Variants in ERBB4 observed in about 807,000 individuals in gnomAD.
The protein encoded by ERBB4 is erb-b2 receptor tyrosine kinase 4, also known as receptor tyrosine-protein kinase erbB-4.
ERBB4 carries 42 observed loss-of-function variants against 158.0 expected under a neutral mutation model. The observed-to-expected ratio is 0.27, with a 90% CI of 0.21 to 0.34. The LOEUF (loss-of-function observed/expected upper bound fraction) is 0.34, where lower values mean the gene tolerates loss of function less well. ERBB4 is among the 10% of genes least tolerant of loss of function. ERBB4 has a pLI of 1.00. For missense variants in ERBB4, 1,333 were observed against 1,624.1 expected (o/e 0.82, Z 3.08); for synonymous variants, 583 against 558.7 (o/e 1.04, Z -0.61).
At chr2:211,806,468 T>C (rs551064982) in intron 3 of ERBB4, among the ~76,000 whole-genome samples, 2 of 152,258 alleles carry the variant, frequency 1.3e-5, no homozygotes, top group African/African-American at 4.8e-5. Flanking sequence ...CACCATTTTT[T>C]TAAGGAATAT....
At position 211,400,033 on chromosome 2, in the gene ERBB4, A is replaced by AACTT. The variant is rs1248209698; in HGVS notation, c.3136-12045_3136-12042dup. 3.9e-5 allele frequency among the ~76,000 whole-genome samples: 6 copies of AACTT among 152,306 alleles called. No individual in the cohort carries two copies. In the East Asian group the frequency reaches 1.2e-3, roughly 29 times the overall value. ...CATGGCTAAATGCTACAGAAAATCAAACTTATAAGTCAATGAAATTCTAAA... is the reference window on the plus strand; with the variant it reads ...CATGGCTAAATGCTACAGAAAATCAAACTTACTTATAAGTCAATGAAATTCTAAA... On this transcript the variant is annotated intron_variant, in intron 25 of 27. Coordinates refer to ENST00000342788, the MANE Select transcript of ERBB4 (RefSeq NM_005235.3).
At chr2:211,526,989 T>A (rs1342156954) in intron 20 of ERBB4, among the ~76,000 whole-genome samples, 1 of 152,060 alleles carries the variant, frequency 6.6e-6, no homozygotes, top group Admixed American at 6.5e-5. Context: ...GTTATTGGCC[T>A]TAATGAGGAG....
intron 1 of ERBB4, among the ~76,000 whole-genome samples, chr2:212,194,711 T>A (rs368836869): frequency 6.7e-6 from 1 of 150,178 alleles, no homozygotes; most frequent in South Asian, 2.1e-4. Flanking sequence ...ATTAATATAA[T>A]CATTAAAGAA....
chr2:212,053,365 C>G (rs2077456575), intron 2 of ERBB4, among the ~76,000 whole-genome samples: 1 of 152,140 alleles, frequency 6.6e-6, no homozygotes, highest in Non-Finnish European at 1.5e-5. Context: ...ATCCAGTCAC[C>G]CAGGTCTGAT....
At chr2:211,460,247 CT>C (rs923188079) in intron 20 of ERBB4, among the ~76,000 whole-genome samples, 3 of 151,820 alleles carry the variant, frequency 2.0e-5, no homozygotes, top group African/African-American at 4.8e-5. Flanking sequence ...AAGTCAAATG[CT>C]TTTTTTTATG....
chr2:211,693,424 G>A (rs964268729), intron 12 of ERBB4, among the ~76,000 whole-genome samples: 1 of 151,996 alleles, frequency 6.6e-6, no homozygotes, highest in Non-Finnish European at 1.5e-5. Context: ...GCTTTTTAGA[G>A]TTAGCTCTTT....
intron 20 of ERBB4, among the ~76,000 whole-genome samples, chr2:211,560,658 A>T (rs2067366716): frequency 6.6e-6 from 1 of 152,146 alleles, no homozygotes. Flanking sequence ...TAAATTATAG[A>T]AGTTCTTAGA....
chr2:212,022,050 A>G (rs2076664518), intron 2 of ERBB4, among the ~76,000 whole-genome samples: 1 of 152,230 alleles, frequency 6.6e-6, no homozygotes, highest in Non-Finnish European at 1.5e-5. Flanking sequence ...TCAGAGAAAT[A>G]GGAATGCTTT....
chr2:211,992,589 T>G (rs1235320398), intron 2 of ERBB4, among the ~76,000 whole-genome samples: 2 of 147,974 alleles, frequency 1.4e-5, no homozygotes. Flanking sequence ...AAACATGAGT[T>G]TGTCAGGGGC....
At chr2:211,668,377 T>C (rs1050000081) in intron 14 of ERBB4, among the ~76,000 whole-genome samples, 4 of 152,154 alleles carry the variant, frequency 2.6e-5, no homozygotes, top group African/African-American at 9.7e-5. Context: ...ATAAAGAGAC[T>C]TAAAGAAATA....
intron 1 of ERBB4, among the ~76,000 whole-genome samples, chr2:212,279,429 G>T (rs913536212): frequency 6.6e-6 from 1 of 151,426 alleles, no homozygotes; most frequent in Non-Finnish European, 1.5e-5. Context: ...GGGAGATGAG[G>T]TTTATATTCA....
intron 16 of ERBB4, among the ~76,000 whole-genome samples, chr2:211,651,414 T>A (rs1467529801): frequency 6.6e-6 from 1 of 152,116 alleles, no homozygotes; most frequent in African/African-American, 2.4e-5. Flanking sequence ...GCAGATGTGC[T>A]AGACAGAAAT....
chr2:212,246,737 T>C (rs943798001), intron 1 of ERBB4, among the ~76,000 whole-genome samples: 3 of 152,054 alleles, frequency 2.0e-5, no homozygotes, highest in African/African-American at 7.2e-5. Context: ...GAATAAGTAC[T>C]CAAGAAGAGA....
chr2:212,215,625 T>C (rs1363457479), intron 1 of ERBB4, among the ~76,000 whole-genome samples: 1 of 151,354 alleles, frequency 6.6e-6, no homozygotes, highest in Non-Finnish European at 1.5e-5. Flanking sequence ...TCTTGAAGGT[T>C]AAAAAGGAAA....
chr2:211,768,185 G>A (rs913964462), intron 4 of ERBB4, among the ~76,000 whole-genome samples: 1 of 152,170 alleles, frequency 6.6e-6, no homozygotes, highest in Non-Finnish European at 1.5e-5. Flanking sequence ...TTGGCTCCAT[G>A]TCTCACATCC....
chr2:212,060,359 G>T (rs1452947485), intron 2 of ERBB4, among the ~76,000 whole-genome samples: 1 of 151,800 alleles, frequency 6.6e-6, no homozygotes. Flanking sequence ...TACACTGTTG[G>T]TGGGACTGTA....
intron 1 of ERBB4, among the ~76,000 whole-genome samples, chr2:212,439,863 G>A (rs1047843612): frequency 1.2e-4 from 19 of 152,058 alleles, no homozygotes; most frequent in African/African-American, 4.6e-4. Flanking sequence ...TTAAAAATGA[G>A]CTTATTTTAC....
intron 2 of ERBB4, among the ~76,000 whole-genome samples, chr2:212,012,026 G>A (rs1279622881): frequency 6.6e-6 from 1 of 152,206 alleles, no homozygotes; most frequent in African/African-American, 2.4e-5. Flanking sequence ...ATACAGGAAA[G>A]TTAGGATCCA....
At chr2:211,974,553 C>T (rs1575459330) in intron 2 of ERBB4, among the ~76,000 whole-genome samples, 1 of 152,098 alleles carries the variant, frequency 6.6e-6, no homozygotes, top group Non-Finnish European at 1.5e-5. Flanking sequence ...TCTTGGAGTC[C>T]ACAGCATCTC....
Sources: gnomAD v4.1 joint callset for allele counts (sites outside exome capture counted in the v4.1 genomes callset) on GRCh38, gnomAD v4.1.1 for gene constraint, MANE v1.5 for transcripts, NCBI Gene and HGNC (gene_info 2026-07-23, HGNC 2026-07-21) for gene names.